CAPS2: variants seen among roughly 807,000 people sequenced by gnomAD.
CAPS2 encodes the protein calcyphosine 2, also known as calcyphosin-2.
A neutral mutation model predicts 86.5 loss-of-function variants in CAPS2; 98 were observed. That is an observed-to-expected ratio of 1.13 (90% CI 0.96 to 1.34). The LOEUF is 1.34. CAPS2 is among the 40% of genes most tolerant of loss of function. CAPS2 has a pLI of 0.00. For missense variants in CAPS2, 729 were observed against 686.8 expected (o/e 1.06, Z -0.69); for synonymous variants, 210 against 225.1 (o/e 0.93, Z 0.60).
intron 1 of CAPS2, among the ~76,000 whole-genome samples, chr12:75,346,183 G>A (rs913921871): frequency 8.5e-5 from 13 of 152,156 alleles, no homozygotes; most frequent in African/African-American, 3.1e-4. Flanking sequence ...ATTTAATGAT[G>A]TAGTTAGTTA....
At chr12:75,316,220 G>T in intron 6 of CAPS2, 92 bp downstream of exon 6, 1 of 1,449,170 alleles carries the variant, frequency 6.9e-7, no homozygotes, top group South Asian at 1.4e-5. Flanking sequence ...AAATTCAACT[G>T]TTGCAATTAT....
intron 1 of CAPS2, among the ~76,000 whole-genome samples, chr12:75,384,069 G>A (rs2139834236): frequency 6.6e-6 from 1 of 151,756 alleles, no homozygotes; most frequent in African/African-American, 2.4e-5. Flanking sequence ...TAGAAAAGAA[G>A]AAAGATCTAA....
chr12:75,385,231 G>C (rs974992199), intron 1 of CAPS2, among the ~76,000 whole-genome samples: 1 of 152,072 alleles, frequency 6.6e-6, no homozygotes, highest in African/African-American at 2.4e-5. Flanking sequence ...AAATTACCCA[G>C]TTTCAAGTAT....
chr12:75,291,816 C>T (rs766283289), exon 13 of CAPS2: 1 of 1,534,220 alleles, frequency 6.5e-7, no homozygotes, highest in Non-Finnish European at 8.9e-7. Context: ...TCCATAGAAG[C>T]AGTTCTGCAA....
chr12:75,352,295 G>A (rs2042867787), intron 1 of CAPS2, among the ~76,000 whole-genome samples: 2 of 151,632 alleles, frequency 1.3e-5, no homozygotes, highest in African/African-American at 4.8e-5. Flanking sequence ...TAGACTCAAA[G>A]GGATGGAGGA....
chr12:75,367,268 G>GAA (rs35250320), intron 1 of CAPS2, among the ~76,000 whole-genome samples: 34 of 88,666 alleles, frequency 3.8e-4, no homozygotes, highest in South Asian at 8.3e-4. Flanking sequence ...TTCCTAGGAG[G>GAA]AAAAAAAAAA....
At chr12:75,360,227 C>G (rs900049336) in intron 1 of CAPS2, 1 of 152,262 alleles carries the variant, frequency 6.6e-6, no homozygotes, top group Admixed American at 6.5e-5. Context: ...TCTGCCCCAG[C>G]CCATCCAAAT....
intron 5 of CAPS2, among the ~76,000 whole-genome samples, chr12:75,317,750 T>C (rs1402267958): frequency 6.6e-6 from 1 of 152,180 alleles, no homozygotes; most frequent in Non-Finnish European, 1.5e-5. Flanking sequence ...ATAGATTATG[T>C]AATCATTATC....
At chr12:75,354,458 A>G (rs1222877325) in intron 1 of CAPS2, among the ~76,000 whole-genome samples, 1 of 152,186 alleles carries the variant, frequency 6.6e-6, no homozygotes, top group Non-Finnish European at 1.5e-5. Context: ...AGAACTACAA[A>G]CCACTGCTCA....
intron 1 of CAPS2, among the ~76,000 whole-genome samples, chr12:75,340,981 G>A (rs1267098651): frequency 6.6e-6 from 1 of 151,520 alleles, no homozygotes; most frequent in Non-Finnish European, 1.5e-5. Flanking sequence ...TTTCTGGTGG[G>A]AATGCAAAAT....
intron 1 of CAPS2, chr12:75,343,881 C>G (rs2042278828): frequency 6.2e-7 from 1 of 1,611,542 alleles, no homozygotes; most frequent in Non-Finnish European, 8.5e-7. Flanking sequence ...ATAATGAAAC[C>G]CAATTTTATG....
intron 14 of CAPS2, among the ~76,000 whole-genome samples, chr12:75,288,649 A>T (rs981256971): frequency 6.6e-6 from 1 of 152,226 alleles, no homozygotes; most frequent in Non-Finnish European, 1.5e-5. Flanking sequence ...CAACCCTCTT[A>T]GCATGACATG....
intron 1 of CAPS2, among the ~76,000 whole-genome samples, chr12:75,350,774 C>T (rs2042754658): frequency 6.6e-6 from 1 of 152,152 alleles, no homozygotes; most frequent in Non-Finnish European, 1.5e-5. Flanking sequence ...ACTCAAAAAG[C>T]CAGAGTGTCT....
intron 1 of CAPS2, among the ~76,000 whole-genome samples, chr12:75,349,084 C>G (rs866604057): frequency 1.6e-4 from 25 of 151,990 alleles, no homozygotes; most frequent in Non-Finnish European, 8.8e-5. Context: ...CAGAGAGAAC[C>G]CTAGAAATCT....
intron 1 of CAPS2, among the ~76,000 whole-genome samples, chr12:75,381,684 G>A (rs189100468): frequency 2.1e-5 from 3 of 141,048 alleles, no homozygotes; most frequent in Non-Finnish European, 3.0e-5. Context: ...GCACAATCTC[G>A]GCCCGCTGCA....
chr12:75,346,414 G>A (rs1350251782), intron 1 of CAPS2, among the ~76,000 whole-genome samples: 1 of 149,998 alleles, frequency 6.7e-6, no homozygotes, highest in Admixed American at 6.6e-5. Context: ...TTTTTGAGAC[G>A]GAGTCTCGCC....
At chr12:75,310,644 T>G (rs2039053629) in intron 7 of CAPS2, among the ~76,000 whole-genome samples, 2 of 152,170 alleles carry the variant, frequency 1.3e-5, no homozygotes, top group Non-Finnish European at 2.9e-5. Flanking sequence ...TGGTATGCAC[T>G]TTCTCACCCC....
At chr12:75,349,992 C>T (rs1475500718) in intron 1 of CAPS2, among the ~76,000 whole-genome samples, 1 of 152,200 alleles carries the variant, frequency 6.6e-6, no homozygotes, top group East Asian at 1.9e-4. Flanking sequence ...AAGACCGGGT[C>T]CCGGGAGGGA....
intron 1 of CAPS2, among the ~76,000 whole-genome samples, chr12:75,350,801 T>C (rs961814553): frequency 6.6e-6 from 1 of 152,160 alleles, no homozygotes; most frequent in African/African-American, 2.4e-5. Flanking sequence ...CTGCAAATGA[T>C]CACAACACAT....
Sources: gnomAD v4.1 joint callset for allele counts (sites outside exome capture counted in the v4.1 genomes callset) on GRCh38, gnomAD v4.1.1 for gene constraint, MANE v1.5 for transcripts, NCBI Gene and HGNC (gene_info 2026-07-23, HGNC 2026-07-21) for gene names.